The following ACSS3 variants were observed in gnomAD, a reference collection of about 807,000 sequenced individuals.
ACSS3 encodes acyl-CoA synthetase short chain family member 3, also known as acyl-CoA synthetase short-chain family member 3, mitochondrial.
In ACSS3, 64 loss-of-function variants were observed where a neutral mutation model predicts 84.2. The ratio of observed to expected loss-of-function variants is 0.76; its 90% CI spans 0.62 to 0.94. The LOEUF is 0.94. Ranked by LOEUF, ACSS3 falls within the 40% of genes least tolerant of loss-of-function variation. The probability of loss-of-function intolerance (pLI) is 0.00; values close to 1 mark genes in which losing one functional copy is unlikely to be tolerated. For synonymous variants in ACSS3, 317 were observed against 310.1 expected (o/e 1.02, Z -0.23); for missense variants, 815 against 867.6 (o/e 0.94, Z 0.76).
intron 1 of ACSS3, among the ~76,000 whole-genome samples, chr12:81,080,450 T>C (rs944156612): frequency 1.3e-5 from 2 of 152,050 alleles, no homozygotes; most frequent in Non-Finnish European, 2.9e-5. Flanking sequence ...GATAACACCG[T>C]ATCTGAATTC....
intron 1 of ACSS3, among the ~76,000 whole-genome samples, chr12:81,086,025 T>A (rs1231037900): frequency 6.6e-6 from 1 of 152,214 alleles, no homozygotes; most frequent in African/African-American, 2.4e-5. Context: ...GGATTTTATG[T>A]ATCCAGAAAG....
intron 2 of ACSS3, among the ~76,000 whole-genome samples, chr12:81,129,232 T>C (rs1885322542): frequency 6.6e-6 from 1 of 152,132 alleles, no homozygotes; most frequent in Non-Finnish European, 1.5e-5. Context: ...GAAAAATCAA[T>C]TGTAGGTATG....
chr12:81,106,594 TG>T (rs1273660013), intron 1 of ACSS3, among the ~76,000 whole-genome samples: 15 of 152,150 alleles, frequency 9.9e-5, no homozygotes, highest in Non-Finnish European at 5.9e-5. Context: ...CCAAAAAGGT[TG>T]GGGACTGCTG....
At chr12:81,104,868 AT>A in intron 1 of ACSS3, 1 of 151,912 alleles carries the variant, frequency 6.6e-6, no homozygotes, top group Middle Eastern at 3.4e-3. Flanking sequence ...ATTTTTGTTT[AT>A]TTTTTAATTT....
At chr12:81,150,364 T>C (rs559202681) in intron 5 of ACSS3, among the ~76,000 whole-genome samples, 7 of 152,328 alleles carry the variant, frequency 4.6e-5, no homozygotes, top group African/African-American at 1.7e-4. Context: ...TGAATAGTTT[T>C]TATAAAGTGT....
intron 8 of ACSS3, among the ~76,000 whole-genome samples, chr12:81,181,448 G>A (rs2030915764): frequency 1.3e-5 from 2 of 152,122 alleles, no homozygotes; most frequent in Admixed American, 6.5e-5. Flanking sequence ...ACCAGAAGAT[G>A]CGCAAGCATT....
At position 81,196,997 on chromosome 12, in the gene ACSS3, A is replaced by G. The variant is rs534118486; in HGVS notation, c.1251-2344A>G. On this transcript the variant is annotated intron_variant, in intron 8 of 15. Transcript: ENST00000548058. ...CATGGCTCCAACTACATTATTGCAA[A>G]AAATAAAATGTAATAAGATAATTTT... Among the ~76,000 whole-genome samples the G allele has an allele frequency of 6.6e-5, 10 of 152,322 alleles. No homozygotes were observed. In the South Asian group the frequency reaches 2.1e-3, roughly 32 times the overall value.
Position 81,139,346 on chromosome 12 carries a change from T to C in ACSS3, c.780+81T>C. 5 of 1,491,398 alleles carry C rather than the reference T, an allele frequency of 3.4e-6. No homozygotes were observed. In the South Asian group the frequency reaches 3.5e-5, roughly 10 times the overall value. 92.4% of individuals were successfully genotyped at this position (1,491,398 alleles called of 1,614,324 possible). On this transcript the variant is annotated intron_variant, in intron 4 of 15. Coordinates refer to ENST00000548058, the MANE Select transcript of ACSS3 (RefSeq NM_024560.4). ...TAGTTTTTACCATTTAAAAGAGACATTTGATTTATAAGCTATTAAGTATAC... is the reference window on the plus strand; with the variant it reads ...TAGTTTTTACCATTTAAAAGAGACACTTGATTTATAAGCTATTAAGTATAC...
At chr12:81,196,523 ATATT>A (rs1251790313) in intron 8 of ACSS3, among the ~76,000 whole-genome samples, 1 of 152,034 alleles carries the variant, frequency 6.6e-6, no homozygotes, top group African/African-American at 2.4e-5. Flanking sequence ...TAAACTAGAT[ATATT>A]TTTTGGATTT....
intron 8 of ACSS3, among the ~76,000 whole-genome samples, chr12:81,195,362 T>A (rs867434270): frequency 6.6e-6 from 1 of 152,046 alleles, no homozygotes; most frequent in Non-Finnish European, 1.5e-5. Context: ...AAGTTATAGG[T>A]ATATCAACCT....
chr12:81,219,420 A>T (rs1175169315), intron 10 of ACSS3, among the ~76,000 whole-genome samples: 2 of 152,236 alleles, frequency 1.3e-5, no homozygotes, highest in East Asian at 1.9e-4. Context: ...AAAGATGATG[A>T]CTTATCTTCA....
chr12:81,211,974 A>C (rs1455432285), intron 9 of ACSS3, among the ~76,000 whole-genome samples: 2 of 152,182 alleles, frequency 1.3e-5, no homozygotes, highest in African/African-American at 4.8e-5. Flanking sequence ...GGACCTCTGA[A>C]CTTGAGTTTC....
chr12:81,222,368 T>C (rs1921064), intron 11 of ACSS3, among the ~76,000 whole-genome samples: 27,179 of 152,032 alleles, frequency 0.18, 2,621 homozygotes, highest in Middle Eastern at 0.22. Flanking sequence ...GATTTCTCTC[T>C]CTCCTGCTCT....
intron 1 of ACSS3, among the ~76,000 whole-genome samples, chr12:81,104,369 G>A (rs139613466): frequency 2.6e-5 from 4 of 152,238 alleles, no homozygotes; most frequent in African/African-American, 9.6e-5. Context: ...GGTGAGTGCT[G>A]TCCTAATCCA....
intron 9 of ACSS3, among the ~76,000 whole-genome samples, chr12:81,212,606 T>C (rs1037797430): frequency 6.6e-6 from 1 of 152,226 alleles, no homozygotes; most frequent in Non-Finnish European, 1.5e-5. Flanking sequence ...ATACTCCCTT[T>C]TCTCTCTGTA....
rs1429345508 is a variant in ACSS3, at chr12:81,174,788, G to T, written c.1099G>T (p.Gly367Trp). The T allele has an allele frequency of 3.7e-6, 6 of 1,611,414 alleles. No homozygotes were observed. The highest frequency in any genetic ancestry group is 4.2e-6 in the Non-Finnish European group (5 of 1,178,346). The change falls in exon 8 of 16, where the codon GGG becomes TGG. Residue 367 changes from glycine to tryptophan, a missense_variant and splice_region_variant. Coordinates refer to ENST00000548058, the MANE Select transcript of ACSS3 (RefSeq NM_024560.4). The stretch of plus-strand genomic sequence containing the variant: ...ACATTTTAAATGAATCTCATTGTAG[G>T]GGAAGCCTGTGGGAACACCAGATGC... ...LHGNTTVLYEGKPVGTPDAGA... is the reference protein window; with the variant it reads ...LHGNTTVLYEWKPVGTPDAGA...
intron 2 of ACSS3, among the ~76,000 whole-genome samples, chr12:81,112,826 T>G (rs1160890062): frequency 6.6e-6 from 1 of 152,318 alleles, no homozygotes; most frequent in East Asian, 1.9e-4. Flanking sequence ...TCTGGCTAGA[T>G]AATACTTGAT....
At chr12:81,104,445 G>A (rs1882799160) in intron 1 of ACSS3, among the ~76,000 whole-genome samples, 1 of 152,164 alleles carries the variant, frequency 6.6e-6, no homozygotes, top group African/African-American at 2.4e-5. Flanking sequence ...CTGCTGGAGA[G>A]TCTAGATTTC....
chr12:81,099,798 C>G (rs1487183728), intron 1 of ACSS3, among the ~76,000 whole-genome samples: 2 of 151,668 alleles, frequency 1.3e-5, no homozygotes, highest in South Asian at 2.1e-4. Context: ...ATTTTTAGCT[C>G]TCAGAAAAGG....
Sources: gnomAD v4.1 joint callset for allele counts (sites outside exome capture counted in the v4.1 genomes callset) on GRCh38, gnomAD v4.1.1 for gene constraint, MANE v1.5 for transcripts, NCBI Gene and HGNC (gene_info 2026-07-23, HGNC 2026-07-21) for gene names.